EIF2AK3: variants seen among roughly 807,000 people sequenced by gnomAD.
The protein encoded by EIF2AK3 is eukaryotic translation initiation factor 2 alpha kinase 3.
In EIF2AK3, 50 loss-of-function variants were observed where a neutral mutation model predicts 113.5. The ratio of observed to expected loss-of-function variants is 0.44; its 90% CI spans 0.35 to 0.56. The LOEUF (loss-of-function observed/expected upper bound fraction) is 0.56. Among genes scored for constraint, EIF2AK3 ranks in the 20% least tolerant of loss-of-function variants. The pLI is 0.00. For missense variants in EIF2AK3, 1,185 were observed against 1,378.0 expected, an observed-to-expected ratio of 0.86 and a Z score of 2.22; for synonymous variants, 448 against 495.4, an observed-to-expected ratio of 0.90 and a Z score of 1.27.
intron 14 of EIF2AK3, among the ~76,000 whole-genome samples, chr2:88,566,525 T>C (rs1386577028): frequency 6.6e-6 from 1 of 152,188 alleles, no homozygotes; most frequent in African/African-American, 2.4e-5. Context: ...AAACTCTTTT[T>C]TTTTTTAAGT....
At chr2:88,617,004 C>T (rs372984198) in intron 1 of EIF2AK3, among the ~76,000 whole-genome samples, 123 of 152,296 alleles carry the variant, frequency 8.1e-4, no homozygotes, top group African/African-American at 2.9e-3. Context: ...GGAGGCACCC[C>T]TTCTGCTGTG....
At chr2:88,597,802 G>A (rs1346531015) in intron 2 of EIF2AK3, among the ~76,000 whole-genome samples, 2 of 151,862 alleles carry the variant, frequency 1.3e-5, no homozygotes, top group African/African-American at 2.4e-5. Flanking sequence ...ACTATAATCC[G>A]AGACACCGTG....
Position 88,574,884 on chromosome 2 carries a change from G to A in EIF2AK3, c.2599C>T (p.Leu867Phe). ...PPRPTTLSLD[L>F]TKNTTEKLQP... Reference sequence around the variant, plus strand: ...AGTTTTTCTGTGGTGTTTTTAGTGAGATCTAAACTTAAAGTGGTTGGTCTT... The same window carrying A: ...AGTTTTTCTGTGGTGTTTTTAGTGAAATCTAAACTTAAAGTGGTTGGTCTT... Residue 867 changes from leucine to phenylalanine, a missense_variant, in exon 13 of 17, where the codon CTC becomes TTC. By Grantham distance (22) the Leu-to-Phe change is conservative (BLOSUM62 0). Coordinates refer to ENST00000303236, the MANE Select transcript of EIF2AK3 (RefSeq NM_004836.7). 2 of 1,614,202 alleles carry A rather than the reference G, an allele frequency of 1.2e-6. No homozygotes were observed. The highest frequency in any genetic ancestry group is 2.2e-5 in the South Asian group (2 of 91,086).
chr2:88,587,920 T>G, intron 8 of EIF2AK3, 62 bp downstream of exon 8: 1 of 1,183,402 alleles, frequency 8.5e-7, no homozygotes, highest in Non-Finnish European at 1.2e-6. Flanking sequence ...CTTTTCTTCA[T>G]TTGAATTCTA....
rs752726105 is a variant in EIF2AK3 at position 88,574,773 on chromosome 2, A to G, written c.2710T>C (p.Cys904Arg). ...CTCCTCTCTCTCTCCTCTATGGTAC[A>G]TCGTCCATTCATCCAGTCTTTGAGG... ...ENLKDWMNGRCTIEERERSVC... is the reference protein window; with the variant it reads ...ENLKDWMNGRRTIEERERSVC... The change falls in exon 13 of 17, where the codon TGT becomes CGT. Residue 904 changes from cysteine (C) to arginine (R), a missense_variant. By Grantham distance (180) the Cys-to-Arg change is radical. Around this residue, in one of 3 missense-constraint regions of EIF2AK3, gnomAD observed 877 missense variants for 1,024.2 expected, o/e 0.86. Coordinates refer to ENST00000303236, the MANE Select transcript of EIF2AK3 (RefSeq NM_004836.7). 60 of 1,614,068 alleles carry G rather than the reference A, an allele frequency of 3.7e-5. No homozygotes were observed. Among genetic ancestry groups the G allele is most frequent in the Non-Finnish European group, 4.7e-5 (55 of 1,180,034 alleles).
Position 88,590,966 on chromosome 2 carries a change from G to A in EIF2AK3, c.854C>T (p.Pro285Leu). The change falls in exon 5 of 17, where the codon CCC becomes CTC. Residue 285 changes from proline to leucine, a missense_variant. This residue lies in a region of EIF2AK3 where 877 missense variants were observed against 1,024.2 expected (regional missense o/e 0.86). Transcript: ENST00000303236. Reference sequence around the variant, plus strand: ...TTTAGACTCTTCTGTGTTCTCATTGGGCTTAAAGGTGCTTTCAATAAATCC... The same window carrying A: ...TTTAGACTCTTCTGTGTTCTCATTGAGCTTAAAGGTGCTTTCAATAAATCC... ...RAGFIESTFK[P>L]NENTEESKII... 1.2e-6 allele frequency: 2 copies of A among 1,614,000 alleles called. No individual in the cohort carries two copies. The highest frequency in any genetic ancestry group is 2.2e-5 in the South Asian group (2 of 91,080).
At chr2:88,585,788 C>T in intron 9 of EIF2AK3, 53 bp downstream of exon 9, 1 of 1,565,558 alleles carries the variant, frequency 6.4e-7, no homozygotes, top group Non-Finnish European at 8.7e-7. Flanking sequence ...GGTTGAGAAG[C>T]AAATAGGAGG....
intron 2 of EIF2AK3, among the ~76,000 whole-genome samples, chr2:88,607,896 T>C (rs1278905098): frequency 6.6e-6 from 1 of 152,244 alleles, no homozygotes; most frequent in Non-Finnish European, 1.5e-5. Flanking sequence ...AGATTATCTT[T>C]AGAGATGTAG....
At chr2:88,573,981 C>T (rs528470869) in intron 13 of EIF2AK3, among the ~76,000 whole-genome samples, 3 of 152,252 alleles carry the variant, frequency 2.0e-5, no homozygotes, top group East Asian at 1.9e-4. Context: ...AACACTACTA[C>T]GGAAATGTCA....
intron 2 of EIF2AK3, among the ~76,000 whole-genome samples, chr2:88,613,337 G>A (rs1439061991): frequency 6.6e-6 from 1 of 152,126 alleles, no homozygotes; most frequent in East Asian, 1.9e-4. Context: ...ATGGGATTTT[G>A]CAGCACAGAT....
At chr2:88,572,310 A>G (rs987451622) in intron 13 of EIF2AK3, among the ~76,000 whole-genome samples, 2 of 152,168 alleles carry the variant, frequency 1.3e-5, no homozygotes, top group African/African-American at 4.8e-5. Context: ...TCCAGTATCT[A>G]TCTCCCTGTG....
rs537200575 is a variant in EIF2AK3 at position 88,593,600 on chromosome 2, T to C, written c.634-195A>G. ...TTATTTAGAACAATGACAGTACCAA[T>C]GAATATTTATTTCAGGGAATGATTT... On this transcript the variant is annotated intron_variant, in intron 3 of 16. Coordinates refer to ENST00000303236, the MANE Select transcript of EIF2AK3 (RefSeq NM_004836.7). Among the ~76,000 whole-genome samples the C allele has an allele frequency of 2.0e-5, 3 of 152,350 alleles. No homozygotes were observed. In the South Asian group the frequency reaches 6.2e-4, roughly 32 times the overall value.
rs137867936 is a variant in EIF2AK3 at position 88,584,143 on chromosome 2, G to A, written c.1651-601C>T. Among the ~76,000 whole-genome samples the A allele has an allele frequency of 9.8e-3, 1,485 of 152,258 alleles. 23 individuals are homozygous for A. The highest frequency in any genetic ancestry group is 9.3e-3 in the Non-Finnish European group (630 of 68,010). On this transcript the variant is annotated intron_variant, in intron 9 of 16. Coordinates refer to ENST00000303236, the MANE Select transcript of EIF2AK3 (RefSeq NM_004836.7). ...GATTCTTTCAACAAATCTTTACTGA[G>A]CTCCAATTATGTGCCAAGCACTGTG...
At chr2:88,574,598 G>A (rs1301230334) in intron 13 of EIF2AK3, 68 bp downstream of exon 13, 3 of 1,555,620 alleles carry the variant, frequency 1.9e-6, no homozygotes. Flanking sequence ...TCAGAGTACT[G>A]CAAGTACTGC....
intron 2 of EIF2AK3, among the ~76,000 whole-genome samples, chr2:88,602,268 T>C (rs1221391800): frequency 6.6e-6 from 1 of 152,158 alleles, no homozygotes; most frequent in Admixed American, 6.5e-5. Flanking sequence ...ATCCCAAAAA[T>C]TGTATCCAGA....
chr2:88,576,582 T>C lies in EIF2AK3; in HGVS notation c.2008A>G (p.Met670Val). ...EAPPEKWQEK[M>V]DEIWLKDEST... ...TCATCTTTCAGCCAAATTTCATCCA[T>C]CTTTTCTTGCCACTTCTCTGGTGGT... Residue 670 changes from methionine (M) to valine (V), a missense_variant, in exon 12 of 17, where the codon ATG becomes GTG. Transcript: ENST00000303236. 2.5e-6 allele frequency: 4 copies of C among 1,614,164 alleles called. No homozygotes were observed. The highest frequency in any genetic ancestry group is 3.4e-6 in the Non-Finnish European group (4 of 1,180,010).
chr2:88,625,741 G>A (rs1675842901), intron 1 of EIF2AK3, among the ~76,000 whole-genome samples: 1 of 152,170 alleles, frequency 6.6e-6, no homozygotes, highest in South Asian at 2.1e-4. Context: ...TCTACTTCAT[G>A]TAATTCATTT....
At chr2:88,595,064 G>A (rs1172869951) in intron 3 of EIF2AK3, among the ~76,000 whole-genome samples, 1 of 149,056 alleles carries the variant, frequency 6.7e-6, no homozygotes, top group Non-Finnish European at 1.5e-5. Flanking sequence ...ATGGTGGCAT[G>A]TGCCTGTAAT....
chr2:88,580,179 C>A (rs1270178451), intron 10 of EIF2AK3, among the ~76,000 whole-genome samples: 1 of 152,172 alleles, frequency 6.6e-6, no homozygotes, highest in Non-Finnish European at 1.5e-5. Context: ...ACTGGAGGTA[C>A]CAAGTCAAAC....
Sources: allele counts gnomAD v4.1 joint callset (sites outside exome capture counted in the v4.1 genomes callset), GRCh38; gene constraint gnomAD v4.1.1; regional missense constraint gnomAD v4.1.1; transcripts MANE v1.5; gene names NCBI Gene and HGNC (gene_info 2026-07-23, HGNC 2026-07-21).